BNIP3L: variants seen among roughly 807,000 people sequenced by gnomAD.
The protein encoded by BNIP3L is BCL2 interacting protein 3 like, also known as BCL2/adenovirus E1B 19 kDa protein-interacting protein 3-like.
In BNIP3L, 10 loss-of-function variants were observed where a neutral mutation model predicts 25.5. The observed-to-expected ratio is 0.39, with a 90% CI of 0.24 to 0.67. The LOEUF (loss-of-function observed/expected upper bound fraction) is 0.67, where lower values mean the gene tolerates loss of function less well. Among genes scored for constraint, BNIP3L ranks in the 30% least tolerant of loss-of-function variants. The probability of loss-of-function intolerance (pLI) is 0.45; values close to 1 mark genes in which losing one functional copy is unlikely to be tolerated. For synonymous variants in BNIP3L, 113 were observed against 101.2 expected, an observed-to-expected ratio of 1.12 and a Z score of -0.70; for missense variants, 215 against 270.9, an observed-to-expected ratio of 0.79 and a Z score of 1.45.
chr8:26,383,259 G>T, intron 1 of BNIP3L, 29 bp downstream of exon 1: 1 of 1,591,388 alleles, frequency 6.3e-7, no homozygotes, highest in South Asian at 1.1e-5. Context: ...CTCTGTGAAG[G>T]GGATGGGGGA....
At chr8:26,384,479 G>A (rs893872278) in intron 1 of BNIP3L, among the ~76,000 whole-genome samples, 2 of 152,146 alleles carry the variant, frequency 1.3e-5, no homozygotes, top group African/African-American at 2.4e-5. Context: ...AGTAAATTAG[G>A]ATGAATGTAT....
intron 3 of BNIP3L, 189 bp downstream of exon 3, chr8:26,395,491 C>A: frequency 1.7e-6 from 1 of 577,810 alleles, no homozygotes; most frequent in Non-Finnish European, 2.9e-6. Context: ...GATTTTGGGC[C>A]CTGTCACTCT....
rs958980089 is a variant in BNIP3L at position 26,412,244 on chromosome 8, G to A, written c.*1832G>A. The A allele has an allele frequency of 4.6e-5, 7 of 152,016 alleles. No homozygotes were observed. Among genetic ancestry groups the A allele is most frequent in the Non-Finnish European group, 8.8e-5 (6 of 68,008 alleles). 9.4% of individuals were successfully genotyped at this position (152,016 alleles called of 1,614,324 possible). A position where few individuals can be genotyped will look rare whatever the true frequency, so the allele number is the denominator to read the frequency against. On this transcript the variant is annotated 3_prime_UTR_variant, in exon 6 of 6. Coordinates refer to ENST00000380629, the MANE Select transcript of BNIP3L (RefSeq NM_004331.3). ...AAGTGTTCATATTTGAATTTCTTTG[G>A]GAAGAAAGTAAATCTGATGGCTCAC...
intron 1 of BNIP3L, among the ~76,000 whole-genome samples, chr8:26,385,305 G>T (rs920148810): frequency 5.4e-5 from 8 of 149,490 alleles, no homozygotes; most frequent in Admixed American, 5.3e-4. Flanking sequence ...CAACAAAAAG[G>T]GCTGAGCCAG....
intron 1 of BNIP3L, among the ~76,000 whole-genome samples, chr8:26,389,601 G>A (rs757792217): frequency 6.6e-6 from 1 of 152,146 alleles, no homozygotes; most frequent in Non-Finnish European, 1.5e-5. Context: ...CAAATGGAAA[G>A]GAAAGGGTTC....
At chr8:26,391,181 A>G (rs1202092568) in intron 1 of BNIP3L, 62 bp from the exon 2 acceptor site, 2 of 1,410,354 alleles carry the variant, frequency 1.4e-6, no homozygotes, top group Admixed American at 4.7e-5. Context: ...CCATGTTCAC[A>G]TCTGTGTGCA....
At chr8:26,392,336 T>G (rs925111899) in intron 2 of BNIP3L, among the ~76,000 whole-genome samples, 4 of 152,166 alleles carry the variant, frequency 2.6e-5, no homozygotes, top group African/African-American at 9.7e-5. Flanking sequence ...GGAAGCAGAT[T>G]AAGGAAATGT....
chr8:26,400,797 C>A, intron 3 of BNIP3L, among the ~76,000 whole-genome samples: 1 of 86,052 alleles, frequency 1.2e-5, no homozygotes, highest in Middle Eastern at 4.6e-3. Context: ...GTTATGCAGC[C>A]AAAAAACACA....
intron 1 of BNIP3L, among the ~76,000 whole-genome samples, chr8:26,388,862 G>A (rs1339307082): frequency 1.3e-5 from 2 of 150,318 alleles, no homozygotes; most frequent in Non-Finnish European, 3.0e-5. Context: ...GGTGGCATGT[G>A]CCCTGTAGTC....
rs1806102961 is a variant in BNIP3L, at chr8:26,391,231, C to T, written c.101-12C>T. ...GTTCTGCTGTGGTTAACTTATCTGACTTGTCCAACAGGTTCCTGGGTGGAG... is the reference window on the plus strand; with the variant it reads ...GTTCTGCTGTGGTTAACTTATCTGATTTGTCCAACAGGTTCCTGGGTGGAG... On this transcript the variant is annotated splice_polypyrimidine_tract_variant and intron_variant, in intron 1 of 5. Coordinates refer to ENST00000380629, the MANE Select transcript of BNIP3L (RefSeq NM_004331.3). The T allele has an allele frequency of 1.9e-6, 3 of 1,569,052 alleles. No homozygotes were observed. The highest frequency in any genetic ancestry group is 1.7e-6 in the Non-Finnish European group (2 of 1,157,366).
At chr8:26,404,429 C>T (rs1806454961) in intron 3 of BNIP3L, among the ~76,000 whole-genome samples, 1 of 152,156 alleles carries the variant, frequency 6.6e-6, no homozygotes, top group South Asian at 2.1e-4. Flanking sequence ...GACAGAGTGA[C>T]CTTGAGGTAA....
chr8:26,391,482 A>G (rs1806111000), intron 2 of BNIP3L, 56 bp downstream of exon 2: 2 of 1,395,002 alleles, frequency 1.4e-6, no homozygotes, highest in Non-Finnish European at 1.9e-6. Context: ...TACAGGGCTC[A>G]TTCACTCTAG....
chr8:26,392,177 T>TG (rs1806128370), intron 2 of BNIP3L, among the ~76,000 whole-genome samples: 2 of 151,636 alleles, frequency 1.3e-5, no homozygotes, highest in Admixed American at 1.3e-4. Flanking sequence ...TTCTGTTTTT[T>TG]TTTTTTTTTT....
intron 1 of BNIP3L, among the ~76,000 whole-genome samples, chr8:26,385,966 A>C (rs536223680): frequency 6.6e-6 from 1 of 152,320 alleles, no homozygotes; most frequent in South Asian, 2.1e-4. Context: ...TTTTTGGGCA[A>C]TGGGCAAAAC....
intron 2 of BNIP3L, 24 bp from the exon 3 acceptor site, chr8:26,395,206 A>G: frequency 6.2e-7 from 1 of 1,610,108 alleles, no homozygotes; most frequent in Non-Finnish European, 8.5e-7. Flanking sequence ...ATTAAAACTA[A>G]TAGCTGAATT....
Position 26,412,851 on chromosome 8 carries a change from C to A in BNIP3L, c.*2439C>A, listed in dbSNP as rs550444962. 6.6e-6 allele frequency: 1 copy of A among 152,626 alleles called. No individual in the cohort carries two copies. The highest frequency in any genetic ancestry group is 2.1e-4 in the South Asian group (1 of 4,828). 9.5% of individuals were successfully genotyped at this position (152,626 alleles called of 1,614,324 possible). A position where few individuals can be genotyped will look rare whatever the true frequency, so the allele number is the denominator to read the frequency against. On this transcript the variant is annotated 3_prime_UTR_variant, in exon 6 of 6. Transcript: ENST00000380629. ...AGATGTTTGTAAATAGAATCAAGAG[C>A]AAAACTGCACAAACTTGCACATTGG...
chr8:26,398,876 G>C (rs1001463546), intron 3 of BNIP3L, among the ~76,000 whole-genome samples: 6 of 151,480 alleles, frequency 4.0e-5, no homozygotes, highest in East Asian at 1.9e-4. Flanking sequence ...GGAAGAAGTT[G>C]AATCTCTGAA....
At chr8:26,404,306 G>A in intron 3 of BNIP3L, among the ~76,000 whole-genome samples, 1 of 152,182 alleles carries the variant, frequency 6.6e-6, no homozygotes, top group Non-Finnish European at 1.5e-5. Context: ...ACAATGTTGA[G>A]TGTTACTGAA....
At position 26,411,532 on chromosome 8, in the gene BNIP3L, G is replaced by C. The variant is rs1026727578; in HGVS notation, c.*1120G>C. The C allele has an allele frequency of 3.9e-5, 6 of 152,270 alleles. No homozygotes were observed. The highest frequency in any genetic ancestry group is 3.9e-4 in the Admixed American group (6 of 15,288). The allele number at this position is 152,270 out of a possible 1,614,324, so 9.4% of individuals were successfully genotyped here. Reference sequence around the variant, plus strand: ...ATTTGTTTCCTTCTGATCTCTCACTGAATAATGTTTACTGTACAGTCTTCC... The same window carrying C: ...ATTTGTTTCCTTCTGATCTCTCACTCAATAATGTTTACTGTACAGTCTTCC... On this transcript the variant is annotated 3_prime_UTR_variant, in exon 6 of 6. Transcript: ENST00000380629.
Sources: allele counts gnomAD v4.1 joint callset (sites outside exome capture counted in the v4.1 genomes callset), GRCh38; gene constraint gnomAD v4.1.1; transcripts MANE v1.5; gene names NCBI Gene and HGNC (gene_info 2026-07-23, HGNC 2026-07-21).